The following DCDC2 variants were observed in gnomAD, a reference collection of about 807,000 sequenced individuals.
DCDC2 encodes doublecortin domain containing 2.
Under a neutral mutation model 50.2 loss-of-function variants are expected in DCDC2, and 40 were observed. The ratio of observed to expected loss-of-function variants is 0.80; its 90% CI spans 0.62 to 1.04. The LOEUF (loss-of-function observed/expected upper bound fraction) is 1.04, where lower values mean the gene tolerates loss of function less well. DCDC2 is among the 50% of genes least tolerant of loss of function. The pLI, the probability that DCDC2 is intolerant of heterozygous loss-of-function variation, is 0.00. For missense variants in DCDC2, 570 were observed against 581.9 expected, an observed-to-expected ratio of 0.98 and a Z score of 0.21; for synonymous variants, 234 against 210.6, an observed-to-expected ratio of 1.11 and a Z score of -0.96.
At chr6:24,364,556 T>G in the DCDC2 span, among the ~76,000 whole-genome samples, 1 of 152,226 alleles carries the variant, frequency 6.6e-6, no homozygotes, top group South Asian at 2.1e-4. Flanking sequence ...AAAAGGATTG[T>G]GTTCATTTTA....
At chr6:24,340,116 T>C (rs1214161195) in intron 2 of DCDC2, among the ~76,000 whole-genome samples, 2 of 152,198 alleles carry the variant, frequency 1.3e-5, no homozygotes, top group East Asian at 1.9e-4. Context: ...TAGATGAATG[T>C]GCCCTGTGCT....
intron 2 of DCDC2, among the ~76,000 whole-genome samples, chr6:24,304,469 C>T (rs544648919): frequency 4.6e-5 from 7 of 152,176 alleles, no homozygotes; most frequent in Non-Finnish European, 1.0e-4. Flanking sequence ...GGCAACAAAG[C>T]GAGACTCTGT....
chr6:24,351,070 C>T (rs1352706373), intron 2 of DCDC2, among the ~76,000 whole-genome samples: 1 of 152,176 alleles, frequency 6.6e-6, no homozygotes, highest in Non-Finnish European at 1.5e-5. Flanking sequence ...CCCTTTTCCA[C>T]TCGTGCTCTA....
chr6:24,368,139 GA>G, the DCDC2 span, among the ~76,000 whole-genome samples: 4 of 151,340 alleles, frequency 2.6e-5, no homozygotes, highest in African/African-American at 9.7e-5. Context: ...TAAAAAAAAA[GA>G]AAAAAATAAC....
intron 2 of DCDC2, among the ~76,000 whole-genome samples, chr6:24,302,900 G>A (rs1759408223): frequency 6.6e-6 from 1 of 151,894 alleles, no homozygotes; most frequent in East Asian, 1.9e-4. Flanking sequence ...CACACTCTCA[G>A]CAGGTCATTT....
chr6:24,197,428 C>G (rs2113755659), intron 8 of DCDC2, among the ~76,000 whole-genome samples: 1 of 152,312 alleles, frequency 6.6e-6, no homozygotes, highest in Admixed American at 6.5e-5. Flanking sequence ...ATAAATTAGT[C>G]TTGGTTTCTG....
At chr6:24,304,511 C>G (rs1356998367) in intron 2 of DCDC2, among the ~76,000 whole-genome samples, 1 of 152,058 alleles carries the variant, frequency 6.6e-6, no homozygotes, top group African/African-American at 2.4e-5. Context: ...AAATGTTTAG[C>G]AGGTAATGCA....
chr6:24,351,228 C>A (rs1477452032), intron 2 of DCDC2, among the ~76,000 whole-genome samples: 2 of 152,194 alleles, frequency 1.3e-5, no homozygotes, highest in African/African-American at 4.8e-5. Context: ...TTGCTTAAAG[C>A]AGACTTCGGA....
intron 2 of DCDC2, among the ~76,000 whole-genome samples, chr6:24,302,812 C>T (rs567865519): frequency 2.6e-5 from 4 of 152,124 alleles, no homozygotes; most frequent in Non-Finnish European, 4.4e-5. Flanking sequence ...TTCCATTTCC[C>T]ACAGTGGATA....
intron 2 of DCDC2, among the ~76,000 whole-genome samples, chr6:24,323,946 G>C (rs1196298441): frequency 2.0e-5 from 3 of 152,184 alleles, no homozygotes; most frequent in Non-Finnish European, 4.4e-5. Context: ...AGAGGAGAAA[G>C]TACAGTTAGC....
chr6:24,197,807 G>A (rs1050850901), intron 8 of DCDC2, among the ~76,000 whole-genome samples: 1 of 152,178 alleles, frequency 6.6e-6, no homozygotes. Flanking sequence ...ATAGTAGTCA[G>A]AGGACAAGTG....
intron 2 of DCDC2, among the ~76,000 whole-genome samples, chr6:24,321,849 A>G (rs1235006454): frequency 1.3e-5 from 2 of 152,222 alleles, no homozygotes; most frequent in Non-Finnish European, 2.9e-5. Context: ...ACAAATGGTC[A>G]CCCCAAATAC....
At chr6:24,180,864 A>G (rs1761056213) in intron 8 of DCDC2, among the ~76,000 whole-genome samples, 1 of 152,186 alleles carries the variant, frequency 6.6e-6, no homozygotes, top group South Asian at 2.1e-4. Context: ...ACAAGACTAA[A>G]AGTTCAGAAA....
intron 2 of DCDC2, among the ~76,000 whole-genome samples, chr6:24,302,246 G>C (rs1308845997): frequency 7.7e-6 from 1 of 129,964 alleles, no homozygotes; most frequent in Non-Finnish European, 1.6e-5. Context: ...CTCAAGAAAA[G>C]AAAGGAAAAT....
chr6:24,293,090 G>T (rs1763786303), intron 4 of DCDC2, among the ~76,000 whole-genome samples: 2 of 152,190 alleles, frequency 1.3e-5, no homozygotes, highest in South Asian at 4.1e-4. Context: ...CTGCAGGTAA[G>T]TAAAACGCAG....
At chr6:24,340,876 C>T (rs372318938) in intron 2 of DCDC2, among the ~76,000 whole-genome samples, 1 of 152,172 alleles carries the variant, frequency 6.6e-6, no homozygotes, top group East Asian at 1.9e-4. Context: ...CAGGCACGTA[C>T]CACTATGCCT....
rs1396125649 is a variant in DCDC2, at chr6:24,181,791, T to C, written c.1024-3159A>G. 1.2e-4 allele frequency among the ~76,000 whole-genome samples: 18 copies of C among 152,204 alleles called. 1 individual carries two copies. Among genetic ancestry groups the C allele is most frequent in the Non-Finnish European group, 1.5e-5 (1 of 68,024 alleles). On this transcript the variant is annotated intron_variant, in intron 8 of 9. Transcript: ENST00000378454. Reference sequence around the variant, plus strand: ...TACAGATTCAATGCAATCCCTGTTGTTTTTTACGGAAATAGAAAAACCCAT... The same window carrying C: ...TACAGATTCAATGCAATCCCTGTTGCTTTTTACGGAAATAGAAAAACCCAT...
intron 7 of DCDC2, among the ~76,000 whole-genome samples, chr6:24,217,000 C>T (rs1761996846): frequency 6.6e-6 from 1 of 152,130 alleles, no homozygotes; most frequent in Admixed American, 6.6e-5. Context: ...CAGCACACAT[C>T]CAGGCAACAA....
the DCDC2 span, among the ~76,000 whole-genome samples, chr6:24,373,915 C>A: frequency 1.3e-5 from 2 of 151,440 alleles, no homozygotes; most frequent in African/African-American, 4.9e-5. Context: ...GTAATCCCAG[C>A]ACTTTGGGAG....
Sources: gnomAD v4.1 joint callset for allele counts (sites outside exome capture counted in the v4.1 genomes callset) on GRCh38, gnomAD v4.1.1 for gene constraint, MANE v1.5 for transcripts, NCBI Gene and HGNC (gene_info 2026-07-23, HGNC 2026-07-21) for gene names.